SH3KBP1: variants seen among roughly 807,000 people sequenced by gnomAD.
SH3KBP1 encodes the protein SH3 domain-containing kinase-binding protein 1.
A neutral mutation model predicts 50.1 loss-of-function variants in SH3KBP1; 8 were observed. The observed-to-expected ratio is 0.16, with a 90% CI of 0.09 to 0.29. The LOEUF (loss-of-function observed/expected upper bound fraction) is 0.29, where lower values mean the gene tolerates loss of function less well. SH3KBP1 is among the 10% of genes least tolerant of loss of function. The probability of loss-of-function intolerance (pLI) is 1.00; values close to 1 mark genes in which losing one functional copy is unlikely to be tolerated. For missense variants in SH3KBP1, 377 were observed against 535.2 expected, an observed-to-expected ratio of 0.70 and a Z score of 2.92; for synonymous variants, 227 against 218.6, an observed-to-expected ratio of 1.04 and a Z score of -0.34.
At chrX:19,774,989 C>T (rs890037455) in intron 2 of SH3KBP1, among the ~76,000 whole-genome samples, 20 of 111,163 alleles carry the variant, frequency 1.8e-4, no homozygotes, top group African/African-American at 5.9e-4. Context: ...CATTCTCCTC[C>T]CCCAAGCCCT....
intron 1 of SH3KBP1, among the ~76,000 whole-genome samples, chrX:19,876,354 C>CT (rs1487145797): frequency 4.5e-5 from 5 of 111,453 alleles, no homozygotes; most frequent in African/African-American, 1.6e-4. Context: ...GAGTGAGACT[C>CT]TGTCAAGAAA....
chrX:19,635,275 T>C (rs1218070518), intron 7 of SH3KBP1, among the ~76,000 whole-genome samples: 1 of 111,200 alleles, frequency 9.0e-6, no homozygotes, highest in Non-Finnish European at 1.9e-5. Flanking sequence ...TGCAGGGACA[T>C]GGATGAAGCT....
intron 6 of SH3KBP1, among the ~76,000 whole-genome samples, chrX:19,670,012 A>T (rs2062745452): frequency 9.1e-6 from 1 of 110,141 alleles, no homozygotes; most frequent in Non-Finnish European, 1.9e-5. Flanking sequence ...AATGAGAGAC[A>T]GGGATATGGA....
intron 3 of SH3KBP1, among the ~76,000 whole-genome samples, chrX:19,711,386 C>T (rs1479365783): frequency 9.0e-6 from 1 of 111,677 alleles, no homozygotes; most frequent in Non-Finnish European, 1.9e-5. Flanking sequence ...AAACTGACTA[C>T]GGTGTCATGA....
chrX:19,735,221 G>A (rs1333083142), intron 3 of SH3KBP1, among the ~76,000 whole-genome samples: 1 of 111,014 alleles, frequency 9.0e-6, no homozygotes, highest in Non-Finnish European at 1.9e-5. Context: ...GTGTAGATAA[G>A]GTTTATCAAG....
Position 19,536,402 on chromosome X carries a change from T to C in SH3KBP1, c.*15A>G. On this transcript the variant is annotated 3_prime_UTR_variant, in exon 18 of 18. Coordinates refer to ENST00000397821, the MANE Select transcript of SH3KBP1 (RefSeq NM_031892.3). ...GACTCAGGATGAATAATGTGACATT[T>C]CATTGATCAAGTATTCATTTTGATT... is the stretch of plus-strand genomic sequence containing the variant. The C allele has an allele frequency of 9.0e-7, 1 of 1,108,104 alleles. No homozygotes were observed. The highest frequency in any genetic ancestry group is 1.2e-6 in the Non-Finnish European group (1 of 812,483). 91.3% of individuals were successfully genotyped at this position (1,108,104 alleles called of 1,213,427 possible).
intron 1 of SH3KBP1, among the ~76,000 whole-genome samples, chrX:19,879,271 A>G (rs2069361520): frequency 9.0e-6 from 1 of 111,685 alleles, no homozygotes; most frequent in Non-Finnish European, 1.9e-5. Context: ...AAAACTTACT[A>G]CGGAAAGAGA....
At chrX:19,602,440 G>T (rs1388951859) in intron 9 of SH3KBP1, among the ~76,000 whole-genome samples, 5 of 111,953 alleles carry the variant, frequency 4.5e-5, no homozygotes, top group Non-Finnish European at 7.5e-5. Context: ...CATCTGGGTG[G>T]CTTTGAGAAA....
chrX:19,754,814 A>G (rs930529673), intron 2 of SH3KBP1, among the ~76,000 whole-genome samples: 11 of 111,953 alleles, frequency 9.8e-5, no homozygotes, highest in African/African-American at 3.3e-4. Flanking sequence ...TCACCTTAAA[A>G]GATGCAGATC....
intron 14 of SH3KBP1, 117 bp from the exon 15 acceptor site, chrX:19,546,167 G>A (rs966339001): frequency 3.4e-6 from 3 of 872,677 alleles, no homozygotes; most frequent in Non-Finnish European, 4.8e-6. Context: ...GTCTTCTCAC[G>A]ATAACCCTGT....
chrX:19,788,286 C>CA (rs1170966414), intron 2 of SH3KBP1, among the ~76,000 whole-genome samples: 260 of 65,578 alleles, frequency 4.0e-3, no homozygotes, highest in African/African-American at 8.2e-3. Context: ...AAAAAAAAAA[C>CA]AAAAAAAAAA....
chrX:19,800,358 T>C (rs1415005255), intron 2 of SH3KBP1, among the ~76,000 whole-genome samples: 1 of 112,369 alleles, frequency 8.9e-6, no homozygotes, highest in East Asian at 2.8e-4. Flanking sequence ...CAGTGAAGCA[T>C]GAATTATACT....
intron 4 of SH3KBP1, among the ~76,000 whole-genome samples, chrX:19,705,514 C>G (rs1181374073): frequency 9.0e-6 from 1 of 111,198 alleles, no homozygotes; most frequent in African/African-American, 3.3e-5. Context: ...CAATAAATGT[C>G]TCCTATGTGC....
At chrX:19,684,347 C>T (rs1476598159) in intron 5 of SH3KBP1, among the ~76,000 whole-genome samples, 1 of 111,866 alleles carries the variant, frequency 8.9e-6, no homozygotes, top group Admixed American at 9.5e-5. Flanking sequence ...TTTGTTTTCC[C>T]ATAGCCTGTG....
At chrX:19,580,226 C>T (rs1202351284) in intron 12 of SH3KBP1, among the ~76,000 whole-genome samples, 1 of 111,902 alleles carries the variant, frequency 8.9e-6, no homozygotes, top group Non-Finnish European at 1.9e-5. Flanking sequence ...CAAAGGTAGG[C>T]ACTTAACGAG....
intron 12 of SH3KBP1, among the ~76,000 whole-genome samples, chrX:19,588,073 G>A (rs1232991791): frequency 8.9e-6 from 1 of 111,774 alleles, no homozygotes; most frequent in Non-Finnish European, 1.9e-5. Flanking sequence ...TTTGCATTCT[G>A]TCAAGCACAT....
chrX:19,787,458 G>A (rs2066382516), intron 2 of SH3KBP1, among the ~76,000 whole-genome samples: 1 of 111,874 alleles, frequency 8.9e-6, no homozygotes, highest in African/African-American at 3.3e-5. Flanking sequence ...TTGATTCTGT[G>A]AATTGTTGTA....
At chrX:19,623,183 T>C (rs772045458) in intron 8 of SH3KBP1, among the ~76,000 whole-genome samples, 1 of 111,092 alleles carries the variant, frequency 9.0e-6, no homozygotes, top group African/African-American at 3.3e-5. Context: ...TATAAAATAG[T>C]GTATGTAATA....
chrX:19,657,919 TG>T (rs1161481711), intron 6 of SH3KBP1, among the ~76,000 whole-genome samples: 2 of 60,969 alleles, frequency 3.3e-5, no homozygotes, highest in Admixed American at 4.3e-4. Flanking sequence ...GGGCTGGGGG[TG>T]GGGGCGGGTA....
Sources: allele counts gnomAD v4.1 joint callset (sites outside exome capture counted in the v4.1 genomes callset), GRCh38; gene constraint gnomAD v4.1.1; transcripts MANE v1.5; gene names NCBI Gene and HGNC (gene_info 2026-07-23, HGNC 2026-07-21).